The following PCDH11X variants were observed in gnomAD, a reference collection of about 807,000 sequenced individuals.
PCDH11X encodes the protein protocadherin 11 X-linked.
Under a neutral mutation model 53.3 loss-of-function variants are expected in PCDH11X, and 18 were observed. That is an observed-to-expected ratio of 0.34 (90% CI 0.23 to 0.50). The LOEUF (loss-of-function observed/expected upper bound fraction) is 0.50, where lower values mean the gene tolerates loss of function less well. Ranked by LOEUF, PCDH11X falls within the 20% of genes least tolerant of loss-of-function variation. The pLI, the probability that PCDH11X is intolerant of heterozygous loss-of-function variation, is 0.98. For missense variants in PCDH11X, 570 were observed against 1,032.4 expected (o/e 0.55, Z 6.14); for synonymous variants, 279 against 393.3 (o/e 0.71, Z 3.44).
intron 6 of PCDH11X, among the ~76,000 whole-genome samples, chrX:92,141,682 A>G (rs1453353667): frequency 8.9e-6 from 1 of 111,782 alleles, no homozygotes; most frequent in Non-Finnish European, 1.9e-5. Context: ...TAGTTTAACC[A>G]ATTAACGATG....
chrX:92,429,194 C>G (rs2072193832), intron 9 of PCDH11X, among the ~76,000 whole-genome samples: 2 of 111,213 alleles, frequency 1.8e-5, no homozygotes. Flanking sequence ...ATCATAAAGC[C>G]TACCTTGACC....
chrX:92,072,871 G>A (rs1380305579), intron 6 of PCDH11X, among the ~76,000 whole-genome samples: 2 of 110,468 alleles, frequency 1.8e-5, no homozygotes, highest in Admixed American at 1.9e-4. Context: ...AGTTCCCTAG[G>A]AATTGCAGAC....
intron 8 of PCDH11X, among the ~76,000 whole-genome samples, chrX:92,327,739 T>G: frequency 9.4e-6 from 1 of 106,272 alleles, no homozygotes; most frequent in Non-Finnish European, 1.9e-5. Flanking sequence ...TTGCTTTTTC[T>G]TGGGGAAGAT....
intron 9 of PCDH11X, among the ~76,000 whole-genome samples, chrX:92,462,539 C>T (rs2750520): frequency 0.45 from 49,091 of 108,457 alleles, 9,872 homozygotes; most frequent in African/African-American, 0.76. Flanking sequence ...TAAAGGCATA[C>T]TTTAGAAATA....
intron 10 of PCDH11X, among the ~76,000 whole-genome samples, chrX:92,578,647 A>T (rs1422531447): frequency 9.0e-6 from 1 of 110,927 alleles, no homozygotes; most frequent in African/African-American, 3.3e-5. Flanking sequence ...ATGTCTTTGC[A>T]TGTGAGATGG....
rs528289179 is a variant in PCDH11X, at chrX:92,127,711, C to T, written c.3034-73664C>T. ...AACTGTTTTGTATTTTCAGTAGAGACGGGGTTTCACCATGTTAGCCAGCAT... is the reference window on the plus strand; with the variant it reads ...AACTGTTTTGTATTTTCAGTAGAGATGGGGTTTCACCATGTTAGCCAGCAT... On this transcript the variant is annotated intron_variant, in intron 6 of 10. Transcript: ENST00000682573. Among the ~76,000 whole-genome samples, 19 of 109,153 alleles carry T rather than the reference C, an allele frequency of 1.7e-4. No individual in the cohort carries two copies. In the South Asian group the frequency reaches 7.7e-3, roughly 44 times the overall value. 94.8% of individuals were successfully genotyped at this position (109,153 alleles called of 115,157 possible).
At chrX:91,846,026 A>G (rs1466317723) in intron 5 of PCDH11X, among the ~76,000 whole-genome samples, 1 of 111,405 alleles carries the variant, frequency 9.0e-6, no homozygotes, top group East Asian at 2.8e-4. Flanking sequence ...CATTGTAACT[A>G]TGTCTGGTGT....
chrX:92,581,547 G>A (rs1044893419), intron 10 of PCDH11X, among the ~76,000 whole-genome samples: 2 of 111,821 alleles, frequency 1.8e-5, no homozygotes, highest in Non-Finnish European at 1.9e-5. Flanking sequence ...GGCCTCCCCA[G>A]CCACGTGAAC....
At chrX:92,489,197 A>G (rs1397306934) in intron 10 of PCDH11X, among the ~76,000 whole-genome samples, 2 of 110,108 alleles carry the variant, frequency 1.8e-5, no homozygotes, top group Non-Finnish European at 1.9e-5. Context: ...GGTATCATAC[A>G]ACCAGAAATC....
chrX:92,307,218 C>T (rs1202183478), intron 8 of PCDH11X, among the ~76,000 whole-genome samples: 1 of 109,135 alleles, frequency 9.2e-6, no homozygotes, highest in African/African-American at 3.3e-5. Flanking sequence ...TCTCAACAAA[C>T]ATTAGCAAAC....
intron 6 of PCDH11X, among the ~76,000 whole-genome samples, chrX:91,899,588 A>ATG: frequency 9.1e-6 from 1 of 110,108 alleles, no homozygotes; most frequent in Middle Eastern, 4.7e-3. Context: ...TTATATATAT[A>ATG]TATACATATA....
At chrX:92,579,310 A>G (rs1332772888) in intron 10 of PCDH11X, among the ~76,000 whole-genome samples, 1 of 109,984 alleles carries the variant, frequency 9.1e-6, no homozygotes, top group African/African-American at 3.3e-5. Flanking sequence ...AGGTTGGGGA[A>G]GTTCTTCTGG....
chrX:92,184,279 G>A (rs367669688), intron 6 of PCDH11X, among the ~76,000 whole-genome samples: 5 of 111,696 alleles, frequency 4.5e-5, no homozygotes, highest in Admixed American at 9.6e-5. Flanking sequence ...ATATGTCTTC[G>A]TTTATCACTA....
chrX:92,344,174 C>A (rs1358907349), intron 8 of PCDH11X, among the ~76,000 whole-genome samples: 1 of 104,478 alleles, frequency 9.6e-6, no homozygotes, highest in Non-Finnish European at 2.0e-5. Flanking sequence ...ATAGTAGGGA[C>A]TCCATAAATG....
rs2067781593 is a variant in PCDH11X, at chrX:92,264,449, C to T, written c.3144+1306C>T. 5.4e-5 allele frequency among the ~76,000 whole-genome samples: 6 copies of T among 111,248 alleles called. No individual in the cohort carries two copies. In the South Asian group the frequency reaches 2.3e-3, roughly 42 times the overall value. On this transcript the variant is annotated intron_variant, in intron 8 of 10. Transcript: ENST00000682573. ...AGGAAGCAAGGGTAGTAAAATGTCACTGGCTGCTACTATGTACAGTGTGAT... is the reference window on the plus strand; with the variant it reads ...AGGAAGCAAGGGTAGTAAAATGTCATTGGCTGCTACTATGTACAGTGTGAT...
chrX:92,385,477 T>C (rs2754878), intron 8 of PCDH11X, among the ~76,000 whole-genome samples: 37,118 of 100,433 alleles, frequency 0.37, 6,963 homozygotes, highest in Non-Finnish European at 0.46. Flanking sequence ...TGTGGTTTAA[T>C]CAGATAATAC....
chrX:91,826,445 G>GA, intron 4 of PCDH11X, among the ~76,000 whole-genome samples: 1 of 102,319 alleles, frequency 9.8e-6, no homozygotes, highest in Non-Finnish European at 2.0e-5. Flanking sequence ...TTTTTAATGG[G>GA]AAAAATATTT....
chrX:91,957,446 G>A (rs144254988), intron 6 of PCDH11X, among the ~76,000 whole-genome samples: 3,402 of 110,262 alleles, frequency 0.031, 52 homozygotes, highest in Non-Finnish European at 0.049. Flanking sequence ...GTTTTGTGGG[G>A]TCTTTTTTGT....
intron 6 of PCDH11X, among the ~76,000 whole-genome samples, chrX:92,181,730 C>T (rs1351173520): frequency 8.9e-6 from 1 of 112,589 alleles, no homozygotes; most frequent in Non-Finnish European, 1.9e-5. Context: ...AAGCCCTAAG[C>T]CTTGGCACCT....
Sources: allele counts gnomAD v4.1 joint callset (sites outside exome capture counted in the v4.1 genomes callset), GRCh38; gene constraint gnomAD v4.1.1; transcripts MANE v1.5; gene names NCBI Gene and HGNC (gene_info 2026-07-23, HGNC 2026-07-21).